SLC6A3: variants seen among roughly 807,000 people sequenced by gnomAD.
SLC6A3 encodes the protein solute carrier family 6 member 3.
A neutral mutation model predicts 70.4 loss-of-function variants in SLC6A3; 19 were observed. That is an observed-to-expected ratio of 0.27 (90% CI 0.19 to 0.40). SLC6A3 has a LOEUF of 0.40. Among genes scored for constraint, SLC6A3 ranks in the 10% least tolerant of loss-of-function variants. The pLI, the probability that SLC6A3 is intolerant of heterozygous loss-of-function variation, is 1.00. For missense variants in SLC6A3, 613 were observed against 838.5 expected (o/e 0.73, Z 3.32); for synonymous variants, 368 against 356.6 (o/e 1.03, Z -0.36).
rs1000090805 is a variant in SLC6A3 at position 1,437,501 on chromosome 5, G to A, written c.418+3858C>T. 2.0e-5 allele frequency among the ~76,000 whole-genome samples: 3 copies of A among 152,096 alleles called. No individual in the cohort carries two copies. Among genetic ancestry groups the A allele is most frequent in the Non-Finnish European group, 4.4e-5 (3 of 67,996 alleles). ...AGAGAGCGAGGGGAAGGGAGGAGACGGAGAGTTTTAAAGACCCACCTCTCA... is the reference window on the plus strand; with the variant it reads ...AGAGAGCGAGGGGAAGGGAGGAGACAGAGAGTTTTAAAGACCCACCTCTCA... On this transcript the variant is annotated intron_variant, in intron 3 of 14. Transcript: ENST00000270349. This position sits in a 1 kb window ranked among gnomAD's most constrained non-coding sequence, Gnocchi z 4.8.
Position 1,437,319 on chromosome 5 carries a change from G to C in SLC6A3, c.418+4040C>G, listed in dbSNP as rs986374185. 2.0e-5 allele frequency among the ~76,000 whole-genome samples: 3 copies of C among 152,016 alleles called. No individual in the cohort carries two copies. Among genetic ancestry groups the C allele is most frequent in the Non-Finnish European group, 4.4e-5 (3 of 67,976 alleles). ...AGGACGCCTCTCTGTGTCAGTCTGGGTGTCTTTAGTATGTGCTTGCTGTGT... is the reference window on the plus strand; with the variant it reads ...AGGACGCCTCTCTGTGTCAGTCTGGCTGTCTTTAGTATGTGCTTGCTGTGT... On this transcript the variant is annotated intron_variant, in intron 3 of 14. Coordinates refer to ENST00000270349, the MANE Select transcript of SLC6A3 (RefSeq NM_001044.5). The surrounding 1 kb of genome is among the most constrained non-coding windows in gnomAD (Gnocchi z 4.8).
At chr5:1,435,049 C>G (rs1756796858) in intron 3 of SLC6A3, among the ~76,000 whole-genome samples, 1 of 152,202 alleles carries the variant, frequency 6.6e-6, no homozygotes, top group Non-Finnish European at 1.5e-5. Flanking sequence ...CATGGATTGC[C>G]TTTGAAAAGC....
Position 1,405,277 on chromosome 5 carries a change from C to G in SLC6A3, c.1599+911G>C, listed in dbSNP as rs1426478244. Among the ~76,000 whole-genome samples, 1 of 152,208 alleles carries G rather than the reference C, an allele frequency of 6.6e-6. No individual in the cohort carries two copies. The highest frequency in any genetic ancestry group is 1.5e-5 in the Non-Finnish European group (1 of 68,028). ...GATAGGGCCTGTCTCTCATCTCTTT[C>G]CTGTACCCCGGAACCCCTCTGCTGG... is the stretch of plus-strand genomic sequence containing the variant. On this transcript the variant is annotated intron_variant, in intron 12 of 14. Coordinates refer to ENST00000270349, the MANE Select transcript of SLC6A3 (RefSeq NM_001044.5). The surrounding 1 kb of genome is among the most constrained non-coding windows in gnomAD (Gnocchi z 5.3).
rs2126404201 is a variant in SLC6A3, at chr5:1,437,770, A to T, written c.418+3589T>A. 6.6e-6 allele frequency among the ~76,000 whole-genome samples: 1 copy of T among 152,312 alleles called. No homozygotes were observed. Among genetic ancestry groups the T allele is most frequent in the East Asian group, 1.9e-4 (1 of 5,172 alleles). ...CCAGGAACAACCAGGCTTCCTGGAG[A>T]GCTGGCTTCATTCCCCCATGGAATT... On this transcript the variant is annotated intron_variant, in intron 3 of 14. Transcript: ENST00000270349. This position sits in a 1 kb window ranked among gnomAD's most constrained non-coding sequence, Gnocchi z 4.8.
intron 4 of SLC6A3, among the ~76,000 whole-genome samples, chr5:1,422,402 C>CGCTGCCCAGT (rs1756463263): frequency 2.1e-5 from 3 of 145,980 alleles, no homozygotes; most frequent in African/African-American, 7.6e-5. Flanking sequence ...GGGTGCCCAC[C>CGCTGCCCAGT]GCTGCCCACG....
intron 4 of SLC6A3, among the ~76,000 whole-genome samples, chr5:1,429,210 G>C (rs940368579): frequency 6.6e-6 from 1 of 152,230 alleles, no homozygotes; most frequent in African/African-American, 2.4e-5. Context: ...TGCTCCCCAA[G>C]AGTCACTGGG....
chr5:1,443,229 T>G lies in SLC6A3; in HGVS notation c.-32A>C, dbSNP rs1310261450. On this transcript the variant is annotated 5_prime_UTR_variant, in exon 2 of 15. Coordinates refer to ENST00000270349, the MANE Select transcript of SLC6A3 (RefSeq NM_001044.5). ...ACTGGGAGTTGAGGAATTCTGTGCT[T>G]CTTCCCTCTTGGTCTTCAGCCAATA... is the stretch of plus-strand genomic sequence containing the variant. 20 of 1,611,852 alleles carry G rather than the reference T, an allele frequency of 1.2e-5. No homozygotes were observed. The highest frequency in any genetic ancestry group is 1.7e-5 in the Non-Finnish European group (20 of 1,178,144).
rs535284962 is a variant in SLC6A3 at position 1,438,693 on chromosome 5, C to T, written c.418+2666G>A. ...CTGCCCTCCTCACCTGAATCCTGCA[C>T]GTGAAGAGGTGATTTAACTTGCTCC... is the stretch of plus-strand genomic sequence containing the variant. On this transcript the variant is annotated intron_variant, in intron 3 of 14. Coordinates refer to ENST00000270349, the MANE Select transcript of SLC6A3 (RefSeq NM_001044.5). The surrounding 1 kb of genome is among the most constrained non-coding windows in gnomAD (Gnocchi z 6.5). Among the ~76,000 whole-genome samples the T allele has an allele frequency of 5.3e-4, 81 of 152,292 alleles. No individual in the cohort carries two copies. The highest frequency in any genetic ancestry group is 3.4e-3 in the Middle Eastern group (1 of 294).
chr5:1,432,417 C>G, intron 4 of SLC6A3, 47 bp downstream of exon 4: 1 of 1,446,624 alleles, frequency 6.9e-7, no homozygotes, highest in Non-Finnish European at 9.7e-7. Context: ...CATGGGGGAC[C>G]TGGCTGCGCC....
intron 9 of SLC6A3, among the ~76,000 whole-genome samples, chr5:1,410,794 A>G (rs1033062023): frequency 6.6e-6 from 1 of 151,692 alleles, no homozygotes; most frequent in African/African-American, 2.4e-5. Flanking sequence ...ACGTGCATGC[A>G]TGTCTGTGTG....
At position 1,440,389 on chromosome 5, in the gene SLC6A3, G is replaced by A. The variant is rs28382233; in HGVS notation, c.418+970C>T. 1.4e-4 allele frequency among the ~76,000 whole-genome samples: 22 copies of A among 152,266 alleles called. No individual in the cohort carries two copies. The East Asian group carries it at 4.0e-3, about 28-fold the overall frequency. ...ATGGATGATAGATCCATAGATAGAT[G>A]AATGGATGGATGACTGGATGGGTGG... is the stretch of plus-strand genomic sequence containing the variant. On this transcript the variant is annotated intron_variant, in intron 3 of 14. Coordinates refer to ENST00000270349, the MANE Select transcript of SLC6A3 (RefSeq NM_001044.5).
At position 1,406,357 on chromosome 5, in the gene SLC6A3, G is replaced by C; in HGVS notation, c.1499-69C>G. 1 of 1,347,846 alleles carries C rather than the reference G, an allele frequency of 7.4e-7. No individual in the cohort carries two copies. The highest frequency in any genetic ancestry group is 2.3e-5 in the East Asian group (1 of 43,558). The allele number at this position is 1,347,846 out of a possible 1,614,324, so 83.5% of individuals were successfully genotyped here. ...TTCCCCCGATGCTGGACACGTGTGGGGGTCCTCGCTGACTCCCAAGGGCCC... is the reference window on the plus strand; with the variant it reads ...TTCCCCCGATGCTGGACACGTGTGGCGGTCCTCGCTGACTCCCAAGGGCCC... On this transcript the variant is annotated intron_variant, in intron 11 of 14. Coordinates refer to ENST00000270349, the MANE Select transcript of SLC6A3 (RefSeq NM_001044.5). This position sits in a 1 kb window ranked among gnomAD's most constrained non-coding sequence, Gnocchi z 8.8.
rs1181398762 is a variant in SLC6A3 at position 1,421,199 on chromosome 5, T to TG, written c.793-497dup. Among the ~76,000 whole-genome samples, 4 of 149,890 alleles carry TG rather than the reference T, an allele frequency of 2.7e-5. No individual in the cohort carries two copies. Among genetic ancestry groups the TG allele is most frequent in the Admixed American group, 1.3e-4 (2 of 15,050 alleles). On this transcript the variant is annotated intron_variant, in intron 5 of 14. Transcript: ENST00000270349. The surrounding 1 kb of genome is among the most constrained non-coding windows in gnomAD (Gnocchi z 7.2). ...CAAAGTTTTTTTTTTTTTTTTGAGA[T>TG]GGAGTTTTGCTCTTTTTGCCCAGGC...
chr5:1,420,960 C>T (rs1227798605), intron 5 of SLC6A3, among the ~76,000 whole-genome samples: 1 of 152,194 alleles, frequency 6.6e-6, no homozygotes, highest in Non-Finnish European at 1.5e-5. Context: ...TTTCTGCATT[C>T]GGTCCGCCAG....
At chr5:1,399,415 G>T (rs1239381089) in intron 14 of SLC6A3, among the ~76,000 whole-genome samples, 1 of 152,194 alleles carries the variant, frequency 6.6e-6, no homozygotes, top group Admixed American at 6.5e-5. Flanking sequence ...AAATTAAAAA[G>T]TTAGCAAAAC....
chr5:1,424,146 G>T (rs1011040694), intron 4 of SLC6A3, among the ~76,000 whole-genome samples: 1 of 152,210 alleles, frequency 6.6e-6, no homozygotes, highest in African/African-American at 2.4e-5. Context: ...CAGGCCCCAG[G>T]TTGGCCGGGT....
rs778416596 is a variant in SLC6A3 at position 1,432,669 on chromosome 5, G to C, written c.448C>G (p.Leu150Val). The change falls in exon 4 of 15, where the codon CTG (leucine) becomes GTG (valine). Residue 150 changes from leucine to valine, a missense_variant. Coordinates refer to ENST00000270349, the MANE Select transcript of SLC6A3 (RefSeq NM_001044.5). ...GVGFTVILIS[L>V]YVGFFYNVII... ...ACGTTGTAGAAGAAGCCGACATACAGTGAGATGAGGATGACCGTGAAGCCC... is the reference window on the plus strand; with the variant it reads ...ACGTTGTAGAAGAAGCCGACATACACTGAGATGAGGATGACCGTGAAGCCC... 3.7e-6 allele frequency: 6 copies of C among 1,614,062 alleles called. No individual in the cohort carries two copies. The highest frequency in any genetic ancestry group is 5.1e-6 in the Non-Finnish European group (6 of 1,180,006).
At chr5:1,412,860 T>A (rs552548535) in intron 8 of SLC6A3, among the ~76,000 whole-genome samples, 1 of 152,310 alleles carries the variant, frequency 6.6e-6, no homozygotes, top group Admixed American at 6.5e-5. Context: ...GGGTCAGACC[T>A]GGGCTCTCGC....
Position 1,396,611 on chromosome 5 carries a change from C to T in SLC6A3, c.1840-1853G>A, listed in dbSNP as rs1264299896. 1.4e-5 allele frequency among the ~76,000 whole-genome samples: 2 copies of T among 147,828 alleles called. No homozygotes were observed. The highest frequency in any genetic ancestry group is 4.9e-5 in the African/African-American group (2 of 41,130). On this transcript the variant is annotated intron_variant, in intron 14 of 14. Coordinates refer to ENST00000270349, the MANE Select transcript of SLC6A3 (RefSeq NM_001044.5). The surrounding 1 kb of genome is among the most constrained non-coding windows in gnomAD (Gnocchi z 7.0). Reference sequence around the variant, plus strand: ...AAGACCCGGGACAATGGCCCAGGACCCCTGCTGAGGGTTCAGACGAGCACA... The same window carrying T: ...AAGACCCGGGACAATGGCCCAGGACTCCTGCTGAGGGTTCAGACGAGCACA...
Sources: gnomAD v4.1 joint callset for allele counts (sites outside exome capture counted in the v4.1 genomes callset) on GRCh38, gnomAD v4.1.1 for gene constraint, Gnocchi (gnomAD v3.1) non-coding constraint, MANE v1.5 for transcripts, NCBI Gene and HGNC (gene_info 2026-07-23, HGNC 2026-07-21) for gene names.